The following ANKS1B variants were observed in gnomAD, a reference collection of about 807,000 sequenced individuals.
ANKS1B encodes the protein ankyrin repeat and sterile alpha motif domain containing 1B, also known as ankyrin repeat and sterile alpha motif domain-containing protein 1B.
Under a neutral mutation model 148.3 loss-of-function variants are expected in ANKS1B, and 36 were observed. That is an observed-to-expected ratio of 0.24 (90% confidence interval 0.19 to 0.32). The LOEUF (loss-of-function observed/expected upper bound fraction) is 0.32. ANKS1B is among the 10% of genes least tolerant of loss of function. ANKS1B has a pLI of 1.00. For missense variants in ANKS1B, 1,157 were observed against 1,542.6 expected, an observed-to-expected ratio of 0.75 and a Z score of 4.19; for synonymous variants, 542 against 560.8, an observed-to-expected ratio of 0.97 and a Z score of 0.47.
chr12:99,572,738 T>C (rs74240143), intron 9 of ANKS1B, among the ~76,000 whole-genome samples: 2 of 152,020 alleles, frequency 1.3e-5, no homozygotes, highest in Non-Finnish European at 2.9e-5. Context: ...AAATCCAAGA[T>C]AACTATAGAG....
At chr12:99,500,292 A>T (rs1221313687) in intron 10 of ANKS1B, among the ~76,000 whole-genome samples, 1 of 152,182 alleles carries the variant, frequency 6.6e-6, no homozygotes, top group Non-Finnish European at 1.5e-5. Context: ...CAAATGATGC[A>T]GCTTCCTCTT....
chr12:99,128,873 T>C (rs1409450924), intron 15 of ANKS1B, among the ~76,000 whole-genome samples: 2 of 152,148 alleles, frequency 1.3e-5, no homozygotes, highest in Non-Finnish European at 2.9e-5. Context: ...TTTGAGTTTA[T>C]GGAAAAAGCC....
At chr12:99,588,266 G>T (rs1359507394) in intron 9 of ANKS1B, among the ~76,000 whole-genome samples, 2 of 152,018 alleles carry the variant, frequency 1.3e-5, no homozygotes, top group Non-Finnish European at 2.9e-5. Context: ...AAATTCACTT[G>T]ATTTATACCA....
At chr12:99,570,778 TATTAA>T (rs1468500524) in intron 9 of ANKS1B, among the ~76,000 whole-genome samples, 2 of 152,064 alleles carry the variant, frequency 1.3e-5, no homozygotes, top group Non-Finnish European at 2.9e-5. Flanking sequence ...AAATAATGAA[TATTAA>T]TATACTTTAT....
chr12:98,933,102 T>C (rs967062756), intron 17 of ANKS1B, among the ~76,000 whole-genome samples: 1 of 152,172 alleles, frequency 6.6e-6, no homozygotes, highest in Non-Finnish European at 1.5e-5. Context: ...ACTGAAACTT[T>C]ATGGCTGTTG....
chr12:98,864,545 G>A (rs1017524774), intron 17 of ANKS1B, among the ~76,000 whole-genome samples: 1 of 152,142 alleles, frequency 6.6e-6, no homozygotes, highest in African/African-American at 2.4e-5. Context: ...CCAATCAGGT[G>A]AAGGCCTGAG....
chr12:98,913,337 G>A (rs1208151341), intron 17 of ANKS1B, among the ~76,000 whole-genome samples: 1 of 152,054 alleles, frequency 6.6e-6, no homozygotes, highest in Non-Finnish European at 1.5e-5. Context: ...TTGACATTCA[G>A]GACCATACTC....
At chr12:99,645,545 C>A (rs2098353584) in intron 9 of ANKS1B, among the ~76,000 whole-genome samples, 1 of 151,968 alleles carries the variant, frequency 6.6e-6, no homozygotes, top group Non-Finnish European at 1.5e-5. Context: ...AAATTATTAA[C>A]CCAATGACAT....
rs2092001822 is a variant in ANKS1B, at chr12:99,875,937, C to T, written c.135-50548G>A. 2.6e-5 allele frequency among the ~76,000 whole-genome samples: 4 copies of T among 152,250 alleles called. No individual in the cohort carries two copies. The South Asian group carries it at 8.3e-4, about 32-fold the overall frequency. ...AGTATCAAGATGTAGGAAGCAGTCG[C>T]ATTATACACGGATTTTAAGGTGTAA... On this transcript the variant is annotated intron_variant, in intron 1 of 26. Transcript: ENST00000683438.
At chr12:99,135,239 A>T (rs2067614434) in intron 15 of ANKS1B, among the ~76,000 whole-genome samples, 1 of 152,208 alleles carries the variant, frequency 6.6e-6, no homozygotes. Context: ...AAATACAAAG[A>T]GTTGGTAAAT....
At chr12:99,982,107 T>C (rs1173966610) in intron 1 of ANKS1B, among the ~76,000 whole-genome samples, 2 of 152,126 alleles carry the variant, frequency 1.3e-5, no homozygotes, top group Non-Finnish European at 2.9e-5. Flanking sequence ...ATTGGTTTTG[T>C]TTGTGATTTT....
chr12:99,740,308 TCAAAAA>T lies in ANKS1B; in HGVS notation c.1128+32608_1128+32613del, dbSNP rs1331421753. Among the ~76,000 whole-genome samples the T allele has an allele frequency of 3.1e-5, 4 of 129,862 alleles. No homozygotes were observed. The East Asian group carries it at 9.6e-4, about 31-fold the overall frequency. The allele number at this position is 129,862 out of a possible 152,430, so 85.2% of individuals were successfully genotyped here. A position where few individuals can be genotyped will look rare whatever the true frequency, so the allele number is the denominator to read the frequency against. On this transcript the variant is annotated intron_variant, in intron 8 of 26. Coordinates refer to ENST00000683438, the MANE Select transcript of ANKS1B (RefSeq NM_001352186.2). Reference sequence around the variant, plus strand: ...CTGGTTAACAGAGGGAGACCGTGTCTCAAAAACAAAAACAAAAACAAAAAACAAAAA... The same window carrying T: ...CTGGTTAACAGAGGGAGACCGTGTCTCAAAAACAAAAACAAAAAACAAAAA...
At chr12:99,261,034 A>C (rs2075871412) in intron 12 of ANKS1B, among the ~76,000 whole-genome samples, 1 of 152,186 alleles carries the variant, frequency 6.6e-6, no homozygotes, top group African/African-American at 2.4e-5. Flanking sequence ...CTACCTCTTT[A>C]ACACAGGAAG....
intron 1 of ANKS1B, among the ~76,000 whole-genome samples, chr12:99,881,697 G>A (rs954029982): frequency 2.0e-5 from 3 of 152,138 alleles, no homozygotes; most frequent in African/African-American, 7.2e-5. Flanking sequence ...GCAAATATGT[G>A]GGACAGAGCA....
At chr12:98,893,419 G>C (rs2099756860) in intron 17 of ANKS1B, 1 of 152,200 alleles carries the variant, frequency 6.6e-6, no homozygotes, top group Admixed American at 6.5e-5. Context: ...CCTCTGAGAG[G>C]TTTTCTAATC....
At chr12:99,416,309 T>C (rs951287161) in intron 11 of ANKS1B, among the ~76,000 whole-genome samples, 1 of 152,246 alleles carries the variant, frequency 6.6e-6, no homozygotes, top group Non-Finnish European at 1.5e-5. Context: ...AATGCTGCTA[T>C]AAATATTTGT....
At chr12:98,796,136 C>T (rs551636399) in intron 22 of ANKS1B, among the ~76,000 whole-genome samples, 1 of 152,234 alleles carries the variant, frequency 6.6e-6, no homozygotes, top group Non-Finnish European at 1.5e-5. Context: ...GTTTCCTCCA[C>T]TGGATTGTGA....
At chr12:99,843,817 T>C (rs2086166953) in intron 1 of ANKS1B, among the ~76,000 whole-genome samples, 2 of 152,136 alleles carry the variant, frequency 1.3e-5, no homozygotes, top group Non-Finnish European at 2.9e-5. Context: ...CTCTAGGTCT[T>C]TGAGAAATCG....
chr12:98,855,632 T>C (rs942393131), intron 17 of ANKS1B, among the ~76,000 whole-genome samples: 4 of 152,232 alleles, frequency 2.6e-5, no homozygotes, highest in African/African-American at 9.6e-5. Flanking sequence ...TTTTTCATAA[T>C]TCTATCCATA....
Sources: gnomAD v4.1 joint callset for allele counts (sites outside exome capture counted in the v4.1 genomes callset) on GRCh38, gnomAD v4.1.1 for gene constraint, MANE v1.5 for transcripts, NCBI Gene and HGNC (gene_info 2026-07-23, HGNC 2026-07-21) for gene names.